RGS12: variants seen among roughly 807,000 people sequenced by gnomAD.
RGS12 encodes regulator of G protein signaling 12, also known as regulator of G-protein signaling 12.
Under a neutral mutation model 120.1 loss-of-function variants are expected in RGS12, and 66 were observed. That is an observed-to-expected ratio of 0.55 (90% confidence interval 0.45 to 0.67). RGS12 has a LOEUF of 0.67. Among genes scored for constraint, RGS12 ranks in the 30% least tolerant of loss-of-function variants. The pLI, the probability that RGS12 is intolerant of heterozygous loss-of-function variation, is 0.00. For missense variants in RGS12, 1,859 were observed against 1,957.7 expected, an observed-to-expected ratio of 0.95 and a Z score of 0.95; for synonymous variants, 827 against 804.7, an observed-to-expected ratio of 1.03 and a Z score of -0.47.
intron 12 of RGS12, 143 bp from the exon 13 acceptor site, chr4:3,423,372 C>T (rs558568378): frequency 1.4e-5 from 16 of 1,116,204 alleles, no homozygotes; most frequent in Middle Eastern, 2.4e-4. Context: ...GAGGAAGGCA[C>T]GTTCTGATCA....
chr4:3,382,561 A>G (rs1169251036), intron 3 of RGS12, among the ~76,000 whole-genome samples: 2 of 152,196 alleles, frequency 1.3e-5, no homozygotes, highest in Non-Finnish European at 2.9e-5. Flanking sequence ...TCACAGCACC[A>G]TTTGTAGGTG....
Position 3,439,530 on chromosome 4 carries a change from C to A in RGS12, c.4190C>A (p.Pro1397His). 1 of 1,612,700 alleles carries A rather than the reference C, an allele frequency of 6.2e-7. No homozygotes were observed. The highest frequency in any genetic ancestry group is 8.5e-7 in the Non-Finnish European group (1 of 1,179,836). Residue 1397 changes from proline (P) to histidine (H), a missense_variant, in exon 18 of 18, where the codon CCC becomes CAC. This residue lies in a region of RGS12 where 517 missense variants were observed against 488.5 expected (regional missense o/e 1.06). Coordinates refer to ENST00000336727, the MANE Select transcript of RGS12 (RefSeq NM_001394154.1). ...IDVDLVTGSA[P>H]GRDGGIAGAQ... ...GTGGATCTTGTAACTGGCTCGGCGCCCGGGCGGGATGGTGGCATAGCGGGG... is the reference window on the plus strand; with the variant it reads ...GTGGATCTTGTAACTGGCTCGGCGCACGGGCGGGATGGTGGCATAGCGGGG...
chr4:3,354,770 T>C (rs951771243), intron 3 of RGS12, among the ~76,000 whole-genome samples: 3 of 152,230 alleles, frequency 2.0e-5, no homozygotes, highest in Non-Finnish European at 4.4e-5. Context: ...AGTTCACAGC[T>C]TTCAGTGTAT....
At chr4:3,375,414 C>T (rs560841491) in intron 3 of RGS12, among the ~76,000 whole-genome samples, 1 of 104,992 alleles carries the variant, frequency 9.5e-6, no homozygotes, top group South Asian at 4.6e-4. Context: ...CATCTCCAGC[C>T]TCATCTCCAG....
chr4:3,318,778 G>A (rs1724982562), intron 2 of RGS12, among the ~76,000 whole-genome samples: 1 of 152,120 alleles, frequency 6.6e-6, no homozygotes, highest in South Asian at 2.1e-4. Flanking sequence ...GAGTGTGCGG[G>A]GCTGTGCCTG....
At position 3,316,680 on chromosome 4, in the gene RGS12, C is replaced by T. The variant is rs78476227; in HGVS notation, c.510C>T (p.Ser170=). 394 of 1,614,052 alleles carry T rather than the reference C, an allele frequency of 2.4e-4. No homozygotes were observed. The African/African-American group carries it at 4.7e-3, about 19-fold the overall frequency. ...AGCCCTTGAAATTGAAACAAAGATC[C>T]CTTTCAGAGTCGGCCGCAACTCGAT... ...NSEPLKLKQR[S]LSESAATRFD... Residue 170 remains serine, a synonymous_variant, in exon 2 of 18, where the codon TCC becomes TCT. Coordinates refer to ENST00000336727, the MANE Select transcript of RGS12 (RefSeq NM_001394154.1).
intron 1 of RGS12, among the ~76,000 whole-genome samples, chr4:3,307,974 G>A (rs1476991752): frequency 6.6e-6 from 1 of 152,254 alleles, no homozygotes; most frequent in Non-Finnish European, 1.5e-5. Context: ...CAGGATGACT[G>A]GGGGCGCCTG....
At chr4:3,352,663 G>A (rs1248454005) in intron 3 of RGS12, among the ~76,000 whole-genome samples, 1 of 152,176 alleles carries the variant, frequency 6.6e-6, no homozygotes, top group African/African-American at 2.4e-5. Flanking sequence ...AATAACAAGG[G>A]TGGCATGATT....
intron 2 of RGS12, among the ~76,000 whole-genome samples, chr4:3,338,543 GT>G (rs1183006443): frequency 1.3e-5 from 2 of 152,258 alleles, no homozygotes; most frequent in Non-Finnish European, 2.9e-5. Flanking sequence ...AGCCAGGCAG[GT>G]TGATTGGCCT....
chr4:3,319,723 G>T (rs1725051968), intron 2 of RGS12, among the ~76,000 whole-genome samples: 1 of 152,234 alleles, frequency 6.6e-6, no homozygotes, highest in Non-Finnish European at 1.5e-5. Context: ...GGGATTACAG[G>T]CATGAGCCAC....
At chr4:3,379,262 A>G (rs1229778851) in intron 3 of RGS12, among the ~76,000 whole-genome samples, 1 of 152,136 alleles carries the variant, frequency 6.6e-6, no homozygotes, top group African/African-American at 2.4e-5. Context: ...TATAAGATGA[A>G]TAAGTTCTAG....
chr4:3,375,805 T>C (rs1230525442), intron 3 of RGS12, among the ~76,000 whole-genome samples: 1 of 152,208 alleles, frequency 6.6e-6, no homozygotes, highest in Non-Finnish European at 1.5e-5. Flanking sequence ...TGGCCAGCTG[T>C]GTTACGCCAG....
upstream of RGS12, among the ~76,000 whole-genome samples, chr4:3,288,244 G>A (rs1722945866): frequency 6.6e-6 from 1 of 152,124 alleles, no homozygotes; most frequent in African/African-American, 2.4e-5. This position sits in a 1 kb window ranked among gnomAD's most constrained non-coding sequence, Gnocchi z 5.2. Context: ...GCTGGAGTGG[G>A]GACACTGGCT....
rs547721114 is a variant in RGS12 at position 3,438,925 on chromosome 4, G to A, written c.4115-530G>A. Among the ~76,000 whole-genome samples, 130 of 152,230 alleles carry A rather than the reference G, an allele frequency of 8.5e-4. 1 individual carries two copies. The highest frequency in any genetic ancestry group is 2.2e-3 in the Admixed American group (33 of 15,300). ...ACGGTGAAGACGGTGCTGAGGCAGC[G>A]AGGCAGGTGGGCGAGCAGGTGGCCA... On this transcript the variant is annotated intron_variant, in intron 17 of 17. Coordinates refer to ENST00000336727, the MANE Select transcript of RGS12 (RefSeq NM_001394154.1).
chr4:3,368,575 GGTGCCTGTGTGT>G (rs1716620781), intron 3 of RGS12, among the ~76,000 whole-genome samples: 2 of 112,846 alleles, frequency 1.8e-5, no homozygotes, highest in Admixed American at 9.1e-5. Flanking sequence ...GTGTGTGTGG[GGTGCCTGTGTGT>G]GTGCCTGTGT....
intron 1 of RGS12, among the ~76,000 whole-genome samples, chr4:3,304,819 AC>A (rs1185913320): frequency 6.6e-6 from 1 of 151,950 alleles, no homozygotes. Context: ...AAGTCAAACG[AC>A]CCTGGAGCTA....
intron 3 of RGS12, among the ~76,000 whole-genome samples, chr4:3,344,768 C>G (rs1032522250): frequency 6.6e-6 from 1 of 152,196 alleles, no homozygotes; most frequent in South Asian, 2.1e-4. Flanking sequence ...GCTTGTGGTC[C>G]CTGCTGTCTT....
chr4:3,439,574 A>T lies in RGS12; in HGVS notation c.4234A>T (p.Arg1412Trp). The T allele has an allele frequency of 6.2e-7, 1 of 1,611,604 alleles. No homozygotes were observed. Among genetic ancestry groups the T allele is most frequent in the Non-Finnish European group, 8.5e-7 (1 of 1,179,302 alleles). The change falls in exon 18 of 18, where the codon AGG (arginine) becomes TGG (tryptophan). Residue 1412 changes from arginine (R) to tryptophan (W), a missense_variant. Arg to Trp is a moderately radical substitution (Grantham distance 101, BLOSUM62 -3). Transcript: ENST00000336727. ...GIAGAQAGPG[R>W]SQASGGPPTS... ...AGCGGGGGCACAGGCTGGCCCTGGG[A>T]GGTCGCAGGCCAGTGGTGGGCCTCC... is the stretch of plus-strand genomic sequence containing the variant.
At chr4:3,388,479 G>A (rs1475760856) in intron 4 of RGS12, among the ~76,000 whole-genome samples, 2 of 152,234 alleles carry the variant, frequency 1.3e-5, no homozygotes, top group African/African-American at 2.4e-5. Flanking sequence ...AGGCAGAGTG[G>A]GGAGATCCAG....
Sources: allele counts gnomAD v4.1 joint callset (sites outside exome capture counted in the v4.1 genomes callset), GRCh38; gene constraint gnomAD v4.1.1; regional missense constraint gnomAD v4.1.1; non-coding constraint Gnocchi (gnomAD v3.1); transcripts MANE v1.5; gene names NCBI Gene and HGNC (gene_info 2026-07-23, HGNC 2026-07-21).